BCL2L13: variants seen among roughly 807,000 people sequenced by gnomAD.
BCL2L13 encodes bcl-2-like protein 13.
BCL2L13 carries 13 observed loss-of-function variants against 25.8 expected under a neutral mutation model. The ratio of observed to expected loss-of-function variants is 0.50; its 90% CI spans 0.33 to 0.80. The LOEUF (loss-of-function observed/expected upper bound fraction) is 0.80. Ranked by LOEUF, BCL2L13 falls within the 30% of genes least tolerant of loss-of-function variation. BCL2L13 has a pLI of 0.02. For missense variants in BCL2L13, 504 were observed against 574.9 expected (o/e 0.88, Z 1.26); for synonymous variants, 244 against 230.3 (o/e 1.06, Z -0.54).
upstream of BCL2L13, among the ~76,000 whole-genome samples, chr22:17,635,944 C>CAG (rs1723248973): frequency 2.6e-5 from 4 of 151,138 alleles, no homozygotes; most frequent in South Asian, 8.3e-4. Flanking sequence ...CTCCTGACCT[C>CAG]GTGATCCGTC....
upstream of BCL2L13, among the ~76,000 whole-genome samples, chr22:17,635,933 T>A (rs1297170537): frequency 4.0e-5 from 6 of 149,988 alleles, no homozygotes; most frequent in South Asian, 8.8e-4. Context: ...ATGGTCTCCA[T>A]CTCCTGACCT....
At chr22:17,725,256 A>G (rs1329448097) in intron 6 of BCL2L13, among the ~76,000 whole-genome samples, 2 of 152,320 alleles carry the variant, frequency 1.3e-5, no homozygotes, top group African/African-American at 2.4e-5. Flanking sequence ...GATAAAGTCC[A>G]TATTTCTTAG....
chr22:17,689,470 C>G (rs2587076), intron 4 of BCL2L13, among the ~76,000 whole-genome samples: 103,881 of 152,046 alleles, frequency 0.68, 35,905 homozygotes, highest in East Asian at 0.85. Context: ...TTCCTCTAGT[C>G]GTGACATGAA....
At chr22:17,641,770 T>C (rs1266733412) in intron 1 of BCL2L13, among the ~76,000 whole-genome samples, 2 of 151,756 alleles carry the variant, frequency 1.3e-5, no homozygotes, top group Non-Finnish European at 2.9e-5. Context: ...TTCTGGAGAT[T>C]TCACAAAAAT....
At chr22:17,645,857 T>G (rs1363427104) in intron 1 of BCL2L13, among the ~76,000 whole-genome samples, 1 of 151,398 alleles carries the variant, frequency 6.6e-6, no homozygotes, top group Non-Finnish European at 1.5e-5. Context: ...CTCTGCAGAT[T>G]CCACCAGTCT....
At chr22:17,639,755 A>G (rs961997860) in intron 1 of BCL2L13, among the ~76,000 whole-genome samples, 1 of 152,172 alleles carries the variant, frequency 6.6e-6, no homozygotes, top group Admixed American at 6.6e-5. Context: ...TGGCGAAATT[A>G]TAAGATTTCC....
At chr22:17,690,657 G>A (rs1344042246) in intron 4 of BCL2L13, among the ~76,000 whole-genome samples, 1 of 152,144 alleles carries the variant, frequency 6.6e-6, no homozygotes, top group Non-Finnish European at 1.5e-5. Context: ...CAGCCACTTG[G>A]GAGGCTGAGG....
At chr22:17,677,764 C>G (rs960312187) in intron 2 of BCL2L13, among the ~76,000 whole-genome samples, 8 of 151,588 alleles carry the variant, frequency 5.3e-5, no homozygotes, top group Non-Finnish European at 8.8e-5. Context: ...TCTAGCTACT[C>G]AGGAGGCTGA....
chr22:17,685,832 C>T (rs188151901), intron 3 of BCL2L13, among the ~76,000 whole-genome samples: 56 of 115,734 alleles, frequency 4.8e-4, no homozygotes, highest in Admixed American at 2.8e-3. Context: ...AGTGCAGTGG[C>T]GGGATCTCGA....
At chr22:17,697,826 T>TTTTA (rs201045646) in intron 5 of BCL2L13, among the ~76,000 whole-genome samples, 2,219 of 152,136 alleles carry the variant, frequency 0.015, 54 homozygotes, top group African/African-American at 0.05. Context: ...AATAGACTTA[T>TTTTA]TTTATTTATT....
intron 2 of BCL2L13, among the ~76,000 whole-genome samples, chr22:17,677,928 G>A (rs530420501): frequency 6.6e-6 from 1 of 152,136 alleles, no homozygotes; most frequent in African/African-American, 2.4e-5. Flanking sequence ...TACCTGTAGT[G>A]CCAGCTACTT....
intron 6 of BCL2L13, among the ~76,000 whole-genome samples, chr22:17,712,923 G>A (rs969932008): frequency 3.9e-5 from 6 of 152,142 alleles, no homozygotes; most frequent in Admixed American, 2.6e-4. Flanking sequence ...TGGATGAAGC[G>A]ATTTACCTTA....
At chr22:17,717,766 G>C (rs1374813852) in intron 6 of BCL2L13, among the ~76,000 whole-genome samples, 1 of 151,938 alleles carries the variant, frequency 6.6e-6, no homozygotes. Context: ...CAGGCTTTTA[G>C]GAGTCTTTGC....
At chr22:17,645,502 C>T (rs1319708636) in intron 1 of BCL2L13, among the ~76,000 whole-genome samples, 1 of 151,520 alleles carries the variant, frequency 6.6e-6, no homozygotes. Context: ...GAAGTATAGG[C>T]GTGAGCCACC....
At chr22:17,704,502 G>A (rs930809014) in intron 6 of BCL2L13, among the ~76,000 whole-genome samples, 2 of 152,004 alleles carry the variant, frequency 1.3e-5, no homozygotes, top group East Asian at 1.9e-4. Context: ...TAGGCCGGGT[G>A]CAGTGGCTTA....
chr22:17,657,856 TG>T (rs1472792096), intron 2 of BCL2L13, among the ~76,000 whole-genome samples: 1 of 113,470 alleles, frequency 8.8e-6, no homozygotes, highest in Non-Finnish European at 1.8e-5. Context: ...AGATGAGTCT[TG>T]TTCTGTCACC....
rs554076114 is a variant in BCL2L13, at chr22:17,652,162, ACATAGCTTAGC to A, written c.-50-3498_-50-3488del. 1.4e-3 allele frequency among the ~76,000 whole-genome samples: 214 copies of A among 152,226 alleles called. 1 individual carries two copies. The highest frequency in any genetic ancestry group is 4.6e-3 in the African/African-American group (189 of 41,532). On this transcript the variant is annotated intron_variant, in intron 1 of 6. Transcript: ENST00000317582. Reference sequence around the variant, plus strand: ...AAAATGCATTTAATACACCTACCAAACATAGCTTAGCCTGTGCTTAAAACACATTAAGCAAA... The same window carrying A: ...AAAATGCATTTAATACACCTACCAAACTGTGCTTAAAACACATTAAGCAAA...
In BCL2L13 at chr22:17,678,180, G is replaced by T. The variant is rs1457608819; in HGVS notation, c.122-5034G>T. On this transcript the variant is annotated intron_variant, in intron 2 of 6. Coordinates refer to ENST00000317582, the MANE Select transcript of BCL2L13 (RefSeq NM_015367.4). Reference sequence around the variant, plus strand: ...TTGGACGATGGGAACATGCCACTGTGCTCAGCTAGTTTTTTTTATTTTTCG... The same window carrying T: ...TTGGACGATGGGAACATGCCACTGTTCTCAGCTAGTTTTTTTTATTTTTCG... 2.6e-5 allele frequency among the ~76,000 whole-genome samples: 4 copies of T among 152,102 alleles called. No individual in the cohort carries two copies. The East Asian group carries it at 7.7e-4, about 29-fold the overall frequency.
intron 2 of BCL2L13, among the ~76,000 whole-genome samples, chr22:17,664,786 C>A (rs935287575): frequency 6.6e-6 from 1 of 152,236 alleles, no homozygotes; most frequent in African/African-American, 2.4e-5. Context: ...ACTTTCACCC[C>A]CTGAAGCCAT....
Sources: gnomAD v4.1 joint callset for allele counts (sites outside exome capture counted in the v4.1 genomes callset) on GRCh38, gnomAD v4.1.1 for gene constraint, MANE v1.5 for transcripts, NCBI Gene and HGNC (gene_info 2026-07-23, HGNC 2026-07-21) for gene names.